Variants in ARFGAP1 observed in about 807,000 individuals in gnomAD.
The protein encoded by ARFGAP1 is ARF GTPase activating protein 1, also known as ADP-ribosylation factor GTPase-activating protein 1.
In ARFGAP1, 26 loss-of-function variants were observed where a neutral mutation model predicts 54.0. That is an observed-to-expected ratio of 0.48 (90% confidence interval 0.35 to 0.67). ARFGAP1 has a LOEUF of 0.67. Among genes scored for constraint, ARFGAP1 ranks in the 30% least tolerant of loss-of-function variants. The probability of loss-of-function intolerance (pLI) is 0.00; values close to 1 mark genes in which losing one functional copy is unlikely to be tolerated. For synonymous variants in ARFGAP1, 248 were observed against 211.9 expected (o/e 1.17, Z -1.48); for missense variants, 525 against 535.8 (o/e 0.98, Z 0.20).
In ARFGAP1 at chr20:63,275,660, C is replaced by T. The variant is rs372285560; in HGVS notation, c.60+20C>T. The T allele has an allele frequency of 2.2e-5, 35 of 1,610,188 alleles. No individual in the cohort carries two copies. In the African/African-American group the frequency reaches 3.9e-4, roughly 18 times the overall value. On this transcript the variant is annotated intron_variant, in intron 2 of 12. Coordinates refer to ENST00000370283, the MANE Select transcript of ARFGAP1 (RefSeq NM_018209.4). ...AACAACGTAAGCCTCTGCCCCCCAC[C>T]CCCCGCCCTAAGGCTTGGTCAGGGT...
At chr20:63,274,105 C>T (rs2067171399) in intron 1 of ARFGAP1, 1 of 152,124 alleles carries the variant, frequency 6.6e-6, no homozygotes, top group African/African-American at 2.4e-5. Flanking sequence ...ATGTCTGCCT[C>T]ATGATCTGTG....
In ARFGAP1 at chr20:63,285,689, T is replaced by C. The variant is rs1173114415; in HGVS notation, c.810T>C (p.Ser270=). The stretch of plus-strand genomic sequence containing the variant: ...GAAAGATTTTTGATGATGTCTCCAG[T>C]GGGGTCTCTCAGTTGGCGTCCAAGG... The part of the protein sequence containing the change: ...KEGKIFDDVS[S]GVSQLASKVQ... Residue 270 remains serine (S), a synonymous_variant, in exon 11 of 13, where the codon AGT becomes AGC. Transcript: ENST00000370283. 1 of 1,613,640 alleles carries C rather than the reference T, an allele frequency of 6.2e-7. No homozygotes were observed.
intron 5 of ARFGAP1, 82 bp from the exon 6 acceptor site, chr20:63,278,035 C>A: frequency 7.5e-7 from 1 of 1,326,978 alleles, no homozygotes; most frequent in Non-Finnish European, 1.1e-6. Context: ...CCACGTAGGC[C>A]ACATGGTTCT....
In ARFGAP1 at chr20:63,288,497, T is replaced by A; in HGVS notation, c.*624T>A. 1 of 455,970 alleles carries A rather than the reference T, an allele frequency of 2.2e-6. No individual in the cohort carries two copies. The highest frequency in any genetic ancestry group is 1.5e-5 in the South Asian group (1 of 64,558). The allele number at this position is 455,970 out of a possible 1,614,324, so 28.2% of individuals were successfully genotyped here. On this transcript the variant is annotated 3_prime_UTR_variant, in exon 13 of 13. Transcript: ENST00000370283. ...GCATCAGCACCGTCCCACCACCAAG[T>A]TCACCAGGTTCACCAGACACGGCCT...
chr20:63,281,157 C>T (rs2067370284), intron 7 of ARFGAP1, 134 bp from the exon 8 acceptor site: 8 of 862,354 alleles, frequency 9.3e-6, no homozygotes, highest in South Asian at 3.4e-5. Flanking sequence ...GAGAAGCAGG[C>T]GCGGTGGGGT....
chr20:63,284,289 C>G, intron 9 of ARFGAP1: 4 of 1,095,128 alleles, frequency 3.7e-6, no homozygotes, highest in South Asian at 3.4e-5. Context: ...GTGACGAGTT[C>G]TTCCCTTTCC....
rs377069332 is a variant in ARFGAP1, at chr20:63,284,752, C to T, written c.718-114C>T. On this transcript the variant is annotated intron_variant, in intron 9 of 12. Transcript: ENST00000370283. ...TGCTCCCTGCGCTTGTATCCTGCTG[C>T]CTTCCCTCCTGCTGGTGAAGCTCGT... 2.1e-5 allele frequency: 33 copies of T among 1,535,326 alleles called. No homozygotes were observed. The African/African-American group carries it at 4.4e-4, about 20-fold the overall frequency.
At chr20:63,277,565 G>C (rs1373942664) in intron 5 of ARFGAP1, among the ~76,000 whole-genome samples, 1 of 152,196 alleles carries the variant, frequency 6.6e-6, no homozygotes, top group African/African-American at 2.4e-5. Flanking sequence ...CTGCCGTGGC[G>C]CTGTGGGAGT....
intron 9 of ARFGAP1, 150 bp from the exon 10 acceptor site, chr20:63,284,716 G>GC: frequency 6.8e-7 from 1 of 1,479,486 alleles, no homozygotes; most frequent in Non-Finnish European, 9.0e-7. Context: ...TGTGTGCAAA[G>GC]CCCCGTTTCC....
At chr20:63,286,068 T>G in intron 11 of ARFGAP1, 1 of 1,549,918 alleles carries the variant, frequency 6.5e-7, no homozygotes, top group African/African-American at 1.4e-5. Flanking sequence ...CATGAGGCGC[T>G]CTGCGGACAG....
At chr20:63,282,903 C>G in intron 9 of ARFGAP1, 52 bp downstream of exon 9, 1 of 1,602,104 alleles carries the variant, frequency 6.2e-7, no homozygotes, top group African/African-American at 1.3e-5. Context: ...TATCCTGAGT[C>G]TGACGTCACG....
At chr20:63,287,466 G>T in intron 12 of ARFGAP1, 98 bp from the exon 13 acceptor site, 1 of 1,184,902 alleles carries the variant, frequency 8.4e-7, no homozygotes, top group Non-Finnish European at 1.2e-6. Flanking sequence ...GCCTGGGAAG[G>T]CGGTCACTGT....
rs776322872 is a variant in ARFGAP1 at position 63,286,418 on chromosome 20, G to C, written c.887G>C (p.Gly296Ala). 4 of 1,613,458 alleles carry C rather than the reference G, an allele frequency of 2.5e-6. No homozygotes were observed. The highest frequency in any genetic ancestry group is 2.2e-5 in the South Asian group (2 of 91,082). ...GWRDVTTFFS[G>A]KAEGPLDSPS... ...CGGGACGTCACCACCTTTTTTTCGG[G>C]GAAAGCAGAGGGCCCCTTGGACAGG... The change falls in exon 12 of 13, where the codon GGG (glycine) becomes GCG (alanine). Residue 296 changes from glycine to alanine, a missense_variant. Transcript: ENST00000370283.
chr20:63,289,471 C>G lies in ARFGAP1; in HGVS notation c.*1598C>G, dbSNP rs892628245. On this transcript the variant is annotated 3_prime_UTR_variant, in exon 13 of 13. Coordinates refer to ENST00000370283, the MANE Select transcript of ARFGAP1 (RefSeq NM_018209.4). ...ACATGTGCCTGTTTCCACGCCAGCA[C>G]CTTGACTTGGCAGCATGGAGCCAAG... The G allele has an allele frequency of 2.6e-5, 4 of 152,322 alleles. No individual in the cohort carries two copies. Among genetic ancestry groups the G allele is most frequent in the African/African-American group, 9.6e-5 (4 of 41,464 alleles). The allele number at this position is 152,322 out of a possible 1,614,324, so 9.4% of individuals were successfully genotyped here. A position where few individuals can be genotyped will look rare whatever the true frequency, so the allele number is the denominator to read the frequency against.
At chr20:63,274,719 G>C (rs547769787) in intron 1 of ARFGAP1, among the ~76,000 whole-genome samples, 2 of 152,312 alleles carry the variant, frequency 1.3e-5, no homozygotes, top group South Asian at 4.1e-4. Flanking sequence ...GGGCCACTGG[G>C]TCATTCCCCC....
Position 63,288,884 on chromosome 20 carries a change from G to T in ARFGAP1, c.*1011G>T, listed in dbSNP as rs986893244. 3.3e-5 allele frequency: 9 copies of T among 270,814 alleles called. No individual in the cohort carries two copies. The highest frequency in any genetic ancestry group is 3.2e-4 in the South Asian group (8 of 25,010). 16.8% of individuals were successfully genotyped at this position (270,814 alleles called of 1,614,324 possible). ...CCAGCCATGCATGCGCCCGAAGCTC[G>T]TGCAGTTTGTACGTGAGGTGCTCTC... On this transcript the variant is annotated 3_prime_UTR_variant, in exon 13 of 13. Transcript: ENST00000370283.
intron 2 of ARFGAP1, 41 bp downstream of exon 2, chr20:63,275,681 AG>A: frequency 1.3e-6 from 2 of 1,584,248 alleles, no homozygotes; most frequent in East Asian, 4.5e-5. Context: ...AGGCTTGGTC[AG>A]GGTCAGTGAG....
intron 1 of ARFGAP1, chr20:63,273,122 C>T (rs2067145224): frequency 6.6e-6 from 1 of 151,980 alleles, no homozygotes; most frequent in Non-Finnish European, 1.5e-5. Context: ...GGGCCCTTCT[C>T]GCGCGGACGC....
Position 63,287,609 on chromosome 20 carries a change from C to A in ARFGAP1, c.957C>A (p.Phe319Leu), listed in dbSNP as rs1467205069. 6.2e-6 allele frequency: 10 copies of A among 1,611,174 alleles called. No homozygotes were observed. The highest frequency in any genetic ancestry group is 8.5e-6 in the Non-Finnish European group (10 of 1,178,842). The change falls in exon 13 of 13, where the codon TTC (phenylalanine) becomes TTA (leucine). Residue 319 changes from phenylalanine to leucine, a missense_variant. This residue lies in a region of ARFGAP1 where 466 missense variants were observed against 453.6 expected (regional missense o/e 1.03). Transcript: ENST00000370283. ...ATCAGAACAGCGGTCTGGACCACTT[C>A]CAAAACAGCAACATAGACCAGAGCT... ...HSYQNSGLDH[F>L]QNSNIDQSFW... is the part of the protein sequence containing the mutation.
Sources: gnomAD v4.1 joint callset for allele counts (sites outside exome capture counted in the v4.1 genomes callset) on GRCh38, gnomAD v4.1.1 for gene constraint, gnomAD v4.1.1 regional missense constraint, MANE v1.5 for transcripts, NCBI Gene and HGNC (gene_info 2026-07-23, HGNC 2026-07-21) for gene names.